ILDR2: variants seen among roughly 807,000 people sequenced by gnomAD.
ILDR2 encodes the protein immunoglobulin like domain containing receptor 2.
ILDR2 carries 25 observed loss-of-function variants against 66.8 expected under a neutral mutation model. The observed-to-expected ratio is 0.37, with a 90% confidence interval of 0.27 to 0.52. The LOEUF (loss-of-function observed/expected upper bound fraction) is 0.52. ILDR2 is among the 20% of genes least tolerant of loss of function. ILDR2 has a pLI of 0.88. For synonymous variants in ILDR2, 367 were observed against 357.2 expected, an observed-to-expected ratio of 1.03 and a Z score of -0.31; for missense variants, 827 against 876.8, an observed-to-expected ratio of 0.94 and a Z score of 0.72.
chr1:166,952,546 G>A (rs1662041528), intron 3 of ILDR2, among the ~76,000 whole-genome samples: 1 of 152,182 alleles, frequency 6.6e-6, no homozygotes, highest in South Asian at 2.1e-4. Flanking sequence ...ACCACTGAAA[G>A]AGCCATCCAT....
At chr1:166,973,427 A>T (rs560235224) in intron 1 of ILDR2, among the ~76,000 whole-genome samples, 1 of 152,260 alleles carries the variant, frequency 6.6e-6, no homozygotes, top group Admixed American at 6.5e-5. Flanking sequence ...CTATAAACTG[A>T]GAGGGCTGAA....
rs1159559390 is a variant in ILDR2, at chr1:166,936,461, A to C, written c.703+130T>G. Reference sequence around the variant, plus strand: ...AGGCCAGGGGCACCCAGCGGAGAAGAGTCTGGAATGACCAATCTTGGGGGT... The same window carrying C: ...AGGCCAGGGGCACCCAGCGGAGAAGCGTCTGGAATGACCAATCTTGGGGGT... On this transcript the variant is annotated intron_variant, in intron 5 of 9. Coordinates refer to ENST00000271417, the MANE Select transcript of ILDR2 (RefSeq NM_199351.3). The surrounding 1 kb of genome is among the most constrained non-coding windows in gnomAD (Gnocchi z 5.0). 7.9e-6 allele frequency: 11 copies of C among 1,401,220 alleles called. No individual in the cohort carries two copies. In the African/African-American group the frequency reaches 1.6e-4, roughly 20 times the overall value. The allele number at this position is 1,401,220 out of a possible 1,614,324, so 86.8% of individuals were successfully genotyped here. A position where few individuals can be genotyped will look rare whatever the true frequency, so the allele number is the denominator to read the frequency against.
At chr1:166,947,664 C>T (rs930316245) in intron 3 of ILDR2, among the ~76,000 whole-genome samples, 5 of 152,196 alleles carry the variant, frequency 3.3e-5, no homozygotes, top group Non-Finnish European at 7.3e-5. Flanking sequence ...CCCCAGCCCC[C>T]GTTTCCTCCC....
At chr1:166,950,696 G>T (rs1159590797) in intron 3 of ILDR2, among the ~76,000 whole-genome samples, 1 of 148,766 alleles carries the variant, frequency 6.7e-6, no homozygotes, top group Non-Finnish European at 1.5e-5. Flanking sequence ...ACAATTTCAG[G>T]CACAGTATTG....
chr1:166,963,801 G>A (rs1474039712), intron 1 of ILDR2, among the ~76,000 whole-genome samples: 1 of 152,150 alleles, frequency 6.6e-6, no homozygotes, highest in African/African-American at 2.4e-5. Context: ...ATCAGGCCAT[G>A]TAACTGAAGG....
At chr1:166,962,913 C>A (rs1486643197) in intron 1 of ILDR2, among the ~76,000 whole-genome samples, 1 of 152,172 alleles carries the variant, frequency 6.6e-6, no homozygotes, top group African/African-American at 2.4e-5. Context: ...ACTCCCAAGG[C>A]TCCAACTACC....
At chr1:166,924,846 T>C (rs1156276964) in intron 7 of ILDR2, among the ~76,000 whole-genome samples, 2 of 152,094 alleles carry the variant, frequency 1.3e-5, no homozygotes, top group Non-Finnish European at 2.9e-5. Flanking sequence ...AAGATCTTCA[T>C]CTTTATAAAA....
At chr1:166,948,666 T>C (rs1202831191) in intron 3 of ILDR2, among the ~76,000 whole-genome samples, 3 of 152,156 alleles carry the variant, frequency 2.0e-5, no homozygotes, top group Non-Finnish European at 4.4e-5. Context: ...ACAGATGTCA[T>C]TGAGAAAATG....
rs139694140 is a variant in ILDR2 at position 166,950,538 on chromosome 1, TC to T, written c.499+6194del. On this transcript the variant is annotated intron_variant, in intron 3 of 9. Transcript: ENST00000271417. ...ACACAGGGGTAGGTGTGGGGGCATT[TC>T]TGCATAGCCTTAAGACACATGCTCC... Among the ~76,000 whole-genome samples, 7 of 152,264 alleles carry T rather than the reference TC, an allele frequency of 4.6e-5. No homozygotes were observed. The East Asian group carries it at 1.4e-3, about 29-fold the overall frequency.
At chr1:166,899,155 G>C (rs1284338436) in intron 2 of ILDR2, among the ~76,000 whole-genome samples, 1 of 152,204 alleles carries the variant, frequency 6.6e-6, no homozygotes, top group Admixed American at 6.5e-5. Flanking sequence ...ACTTTAGGAG[G>C]CCAAGGCAGG....
intron 6 of ILDR2, chr1:166,933,439 G>C (rs745996683): frequency 2.5e-5 from 8 of 317,004 alleles, no homozygotes; most frequent in Non-Finnish European, 3.7e-5. Context: ...AGAGGAACTA[G>C]GTCCTTCAGG....
chr1:166,920,380 C>T (rs1019798998), intron 9 of ILDR2, among the ~76,000 whole-genome samples: 48 of 152,176 alleles, frequency 3.2e-4, no homozygotes, highest in African/African-American at 1.1e-3. Flanking sequence ...GTGATGGCTC[C>T]CGAGATCCCT....
chr1:166,943,113 A>G (rs975345845), intron 3 of ILDR2, among the ~76,000 whole-genome samples: 1 of 152,188 alleles, frequency 6.6e-6, no homozygotes, highest in African/African-American at 2.4e-5. Flanking sequence ...GTGAAATTAA[A>G]TATCTTCAGA....
chr1:166,965,570 G>GTT (rs535388259), intron 1 of ILDR2, among the ~76,000 whole-genome samples: 1,923 of 127,128 alleles, frequency 0.015, 129 homozygotes, highest in African/African-American at 0.037. Flanking sequence ...GTTAGGTTTT[G>GTT]TTTTTTTTTT....
At chr1:166,970,783 A>G (rs1474295875) in intron 1 of ILDR2, among the ~76,000 whole-genome samples, 2 of 152,200 alleles carry the variant, frequency 1.3e-5, no homozygotes, top group African/African-American at 4.8e-5. Context: ...TCCCTCTCCT[A>G]GTCCAGAGAG....
chr1:166,901,617 C>A (rs756471699), intron 2 of ILDR2, among the ~76,000 whole-genome samples: 1 of 152,134 alleles, frequency 6.6e-6, no homozygotes. Flanking sequence ...ATGTTATAGA[C>A]GTGACTTCCA....
rs1170946372 is a variant in ILDR2, at chr1:166,919,214, C to A, written c.*141G>T. 10 of 751,354 alleles carry A rather than the reference C, an allele frequency of 1.3e-5. No individual in the cohort carries two copies. Among genetic ancestry groups the A allele is most frequent in the Admixed American group, 2.2e-5 (1 of 45,588 alleles). 46.5% of individuals were successfully genotyped at this position (751,354 alleles called of 1,614,324 possible). A position where few individuals can be genotyped will look rare whatever the true frequency, so the allele number is the denominator to read the frequency against. On this transcript the variant is annotated 3_prime_UTR_variant, in exon 10 of 10. Coordinates refer to ENST00000271417, the MANE Select transcript of ILDR2 (RefSeq NM_199351.3). Reference sequence around the variant, plus strand: ...ATCAGCCTCCCTTAAAGGCTGCCTGCCATCCCTTGCCAAAGCAGAGATCAG... The same window carrying A: ...ATCAGCCTCCCTTAAAGGCTGCCTGACATCCCTTGCCAAAGCAGAGATCAG...
At chr1:166,919,491 T>C in intron 9 of ILDR2, 101 bp from the exon 10 acceptor site, 1 of 1,032,706 alleles carries the variant, frequency 9.7e-7, no homozygotes, top group Non-Finnish European at 1.4e-6. Context: ...ACCCGTTCAG[T>C]GCCAGGCACC....
Position 166,920,753 on chromosome 1 carries a change from T to G in ILDR2, c.1838A>C (p.His613Pro), listed in dbSNP as rs1309010302. ...PSYRGRDLPY[H>P]SNSEKKRKKE... is the part of the protein sequence containing the mutation. ...TTTCCTCTTCTTCTCCGAGTTGCTG[T>G]GGTAGGGCAGGTCGCGGCCGCGGTA... The change falls in exon 9 of 10, where the codon CAC becomes CCC. Residue 613 changes from histidine (H) to proline (P), a missense_variant. Transcript: ENST00000271417. The G allele has an allele frequency of 6.7e-7, 1 of 1,481,916 alleles. No individual in the cohort carries two copies. The highest frequency in any genetic ancestry group is 1.5e-5 in the African/African-American group (1 of 68,022). The allele number at this position is 1,481,916 out of a possible 1,614,324, so 91.8% of individuals were successfully genotyped here.
Sources: gnomAD v4.1 joint callset for allele counts (sites outside exome capture counted in the v4.1 genomes callset) on GRCh38, gnomAD v4.1.1 for gene constraint, Gnocchi (gnomAD v3.1) non-coding constraint, MANE v1.5 for transcripts, NCBI Gene and HGNC (gene_info 2026-07-23, HGNC 2026-07-21) for gene names.